TNIK: variants seen among roughly 807,000 people sequenced by gnomAD.
The protein encoded by TNIK is TRAF2 and NCK-interacting protein kinase.
In TNIK, 49 loss-of-function variants were observed where a neutral mutation model predicts 191.3. The ratio of observed to expected loss-of-function variants is 0.26; its 90% CI spans 0.20 to 0.32. TNIK has a LOEUF of 0.32. TNIK is among the 10% of genes least tolerant of loss of function. The pLI, the probability that TNIK is intolerant of heterozygous loss-of-function variation, is 1.00. For missense variants in TNIK, 1,155 were observed against 1,702.3 expected, an observed-to-expected ratio of 0.68 and a Z score of 5.66; for synonymous variants, 594 against 600.9, an observed-to-expected ratio of 0.99 and a Z score of 0.17.
intron 2 of TNIK, among the ~76,000 whole-genome samples, chr3:171,237,768 A>G (rs994060143): frequency 6.6e-6 from 1 of 152,130 alleles, no homozygotes; most frequent in Non-Finnish European, 1.5e-5. Flanking sequence ...TAAAAAATCT[A>G]AAAATTAGCC....
At chr3:171,284,304 G>A (rs761762581) in intron 2 of TNIK, among the ~76,000 whole-genome samples, 5 of 152,138 alleles carry the variant, frequency 3.3e-5, no homozygotes, top group Non-Finnish European at 7.3e-5. Flanking sequence ...AACACACTCC[G>A]TTCATAGTAG....
chr3:171,175,132 A>G, intron 9 of TNIK, 120 bp downstream of exon 9: 1 of 943,884 alleles, frequency 1.1e-6, no homozygotes, highest in Non-Finnish European at 1.7e-6. Context: ...GTAATTCACC[A>G]AGTCATCATA....
intron 2 of TNIK, among the ~76,000 whole-genome samples, chr3:171,307,839 C>G (rs1028290821): frequency 1.3e-5 from 2 of 152,062 alleles, no homozygotes; most frequent in African/African-American, 4.8e-5. Context: ...TGTTATAAGA[C>G]TTTTTCATTC....
At chr3:171,129,330 G>C (rs1278638568) in intron 15 of TNIK, among the ~76,000 whole-genome samples, 1 of 152,220 alleles carries the variant, frequency 6.6e-6, no homozygotes, top group Non-Finnish European at 1.5e-5. Context: ...AGAACAAGAG[G>C]ATGAAGCTGA....
chr3:171,098,738 G>A, intron 22 of TNIK, among the ~76,000 whole-genome samples: 1 of 151,882 alleles, frequency 6.6e-6, no homozygotes. Flanking sequence ...AAAAATAAAG[G>A]TAATAAGAAT....
chr3:171,411,844 AT>A (rs1722470702), intron 1 of TNIK, among the ~76,000 whole-genome samples: 2 of 152,222 alleles, frequency 1.3e-5, no homozygotes, highest in South Asian at 4.1e-4. Flanking sequence ...CAACTTGTTA[AT>A]GAATATCTCT....
chr3:171,460,090 C>T lies in TNIK; in HGVS notation c.-27G>A. On this transcript the variant is annotated 5_prime_UTR_variant, in exon 1 of 33. Transcript: ENST00000436636. This position sits in a 1 kb window ranked among gnomAD's most constrained non-coding sequence, Gnocchi z 6.8. ...TCTACTTCTTCGCTGGAGAAATGGA[C>T]CAAAACCACCCCGAAGCTTTTCCCT... The T allele has an allele frequency of 2.5e-6, 4 of 1,592,858 alleles. No homozygotes were observed. Among genetic ancestry groups the T allele is most frequent in the Non-Finnish European group, 3.4e-6 (4 of 1,169,380 alleles).
chr3:171,230,846 T>G (rs1221364950), intron 2 of TNIK, among the ~76,000 whole-genome samples: 1 of 152,112 alleles, frequency 6.6e-6, no homozygotes, highest in Non-Finnish European at 1.5e-5. Context: ...CTCTCTCCCT[T>G]CCTTCCCCTG....
At chr3:171,096,970 C>A (rs1001857871) in intron 22 of TNIK, among the ~76,000 whole-genome samples, 4 of 152,072 alleles carry the variant, frequency 2.6e-5, no homozygotes, top group Non-Finnish European at 4.4e-5. Flanking sequence ...CTTGAGCAAT[C>A]AATGTTAAGT....
chr3:171,374,416 T>A (rs180997019), intron 1 of TNIK, among the ~76,000 whole-genome samples: 15 of 152,338 alleles, frequency 9.8e-5, no homozygotes, highest in African/African-American at 2.2e-4. Context: ...ATAATCATGT[T>A]ACAAAGACAG....
At chr3:171,441,928 T>A (rs1024009356) in intron 1 of TNIK, among the ~76,000 whole-genome samples, 17 of 152,212 alleles carry the variant, frequency 1.1e-4, no homozygotes, top group African/African-American at 1.7e-4. Flanking sequence ...ACATTCCAAG[T>A]TTCACTTAAA....
chr3:171,266,530 T>G (rs1748425347), intron 2 of TNIK, among the ~76,000 whole-genome samples: 1 of 152,126 alleles, frequency 6.6e-6, no homozygotes, highest in Non-Finnish European at 1.5e-5. Flanking sequence ...GGGCTCCTCT[T>G]TATGCATTTG....
chr3:171,258,071 G>C (rs1249627282), intron 2 of TNIK, among the ~76,000 whole-genome samples: 2 of 152,142 alleles, frequency 1.3e-5, no homozygotes, highest in African/African-American at 4.8e-5. Context: ...CCACAGTGAT[G>C]ATGGATGCCC....
At chr3:171,335,028 A>AC (rs1491268103) in intron 2 of TNIK, among the ~76,000 whole-genome samples, 1 of 56,526 alleles carries the variant, frequency 1.8e-5, no homozygotes, top group Non-Finnish European at 3.5e-5. Flanking sequence ...CCCAACTGCC[A>AC]AAAAAAAAAA....
At chr3:171,394,508 G>A (rs920713135) in intron 1 of TNIK, among the ~76,000 whole-genome samples, 1 of 152,166 alleles carries the variant, frequency 6.6e-6, no homozygotes, top group Admixed American at 6.5e-5. Flanking sequence ...TCTCCACAAA[G>A]GGAAAGGTTG....
chr3:171,238,171 G>A (rs1204315376), intron 2 of TNIK, among the ~76,000 whole-genome samples: 2 of 152,098 alleles, frequency 1.3e-5, no homozygotes, highest in Non-Finnish European at 2.9e-5. Context: ...AAGGACATTA[G>A]AAAACTGAAA....
At chr3:171,064,118 G>T in intron 32 of TNIK, 154 bp from the exon 33 acceptor site, 1 of 644,984 alleles carries the variant, frequency 1.6e-6, no homozygotes, top group East Asian at 2.9e-5. Flanking sequence ...TTTGGATATC[G>T]TGCATCCTAT....
At chr3:171,363,364 A>G (rs771249420) in intron 2 of TNIK, among the ~76,000 whole-genome samples, 1 of 152,200 alleles carries the variant, frequency 6.6e-6, no homozygotes, top group Non-Finnish European at 1.5e-5. Context: ...CTCAGTCCTA[A>G]TTAGATAATC....
intron 21 of TNIK, among the ~76,000 whole-genome samples, chr3:171,105,462 G>A (rs1724651972): frequency 6.6e-6 from 1 of 152,184 alleles, no homozygotes; most frequent in East Asian, 1.9e-4. Flanking sequence ...AATCAGCCGT[G>A]GTTGAGAGCC....
Sources: gnomAD v4.1 joint callset for allele counts (sites outside exome capture counted in the v4.1 genomes callset) on GRCh38, gnomAD v4.1.1 for gene constraint, Gnocchi (gnomAD v3.1) non-coding constraint, MANE v1.5 for transcripts, NCBI Gene and HGNC (gene_info 2026-07-23, HGNC 2026-07-21) for gene names.